The following AGMO variants were observed in gnomAD, a reference collection of about 807,000 sequenced individuals.
AGMO encodes the protein alkylglycerol monooxygenase.
A neutral mutation model predicts 60.2 loss-of-function variants in AGMO; 75 were observed. The observed-to-expected ratio is 1.25, with a 90% CI of 1.03 to 1.51. The LOEUF (loss-of-function observed/expected upper bound fraction) is 1.51. Ranked by LOEUF, AGMO falls within the 40% of genes most tolerant of loss-of-function variation. The pLI is 0.00. For missense variants in AGMO, 763 were observed against 525.5 expected (o/e 1.45, Z -4.42); for synonymous variants, 261 against 177.1 (o/e 1.47, Z -3.76).
intron 3 of AGMO, among the ~76,000 whole-genome samples, chr7:15,439,071 C>T (rs1781478350): frequency 6.6e-6 from 1 of 152,114 alleles, no homozygotes; most frequent in Non-Finnish European, 1.5e-5. Flanking sequence ...CATCAACCTT[C>T]CAAAATTACT....
At chr7:15,497,967 G>A (rs757185975) in intron 3 of AGMO, among the ~76,000 whole-genome samples, 6 of 151,948 alleles carry the variant, frequency 3.9e-5, no homozygotes, top group Admixed American at 6.6e-5. Flanking sequence ...CATGCTTGAT[G>A]GGAGAAGTAT....
At chr7:15,437,189 A>G (rs1386979075) in intron 3 of AGMO, among the ~76,000 whole-genome samples, 2 of 152,186 alleles carry the variant, frequency 1.3e-5, no homozygotes, top group African/African-American at 4.8e-5. Flanking sequence ...TTCTTTCACT[A>G]TTCTTTATTC....
At chr7:15,367,824 T>C (rs1783045487) in intron 10 of AGMO, among the ~76,000 whole-genome samples, 1 of 152,010 alleles carries the variant, frequency 6.6e-6, no homozygotes, top group African/African-American at 2.4e-5. Flanking sequence ...CAAAACATTA[T>C]GCAAGCACTC....
chr7:15,340,457 T>C (rs906392267), intron 12 of AGMO, among the ~76,000 whole-genome samples: 2 of 152,140 alleles, frequency 1.3e-5, no homozygotes, highest in African/African-American at 4.8e-5. Context: ...CTTCATAAAC[T>C]CCTGTCACAG....
intron 12 of AGMO, among the ~76,000 whole-genome samples, chr7:15,334,882 C>A (rs1033478051): frequency 6.6e-6 from 1 of 152,116 alleles, no homozygotes; most frequent in African/African-American, 2.4e-5. Flanking sequence ...ATTCACAGAT[C>A]CCCCATTTGT....
At chr7:15,417,623 A>G (rs1008923206) in intron 5 of AGMO, among the ~76,000 whole-genome samples, 1 of 152,212 alleles carries the variant, frequency 6.6e-6, no homozygotes, top group Non-Finnish European at 1.5e-5. Context: ...ATCATAAAAC[A>G]CAATACTATT....
intron 3 of AGMO, among the ~76,000 whole-genome samples, chr7:15,522,884 G>T (rs1260861953): frequency 6.6e-6 from 1 of 152,144 alleles, no homozygotes; most frequent in East Asian, 1.9e-4. Context: ...CACAGCAAAA[G>T]AAACTATCAT....
intron 10 of AGMO, among the ~76,000 whole-genome samples, chr7:15,382,500 G>C (rs1783733163): frequency 6.6e-6 from 1 of 152,134 alleles, no homozygotes; most frequent in South Asian, 2.1e-4. Context: ...AGTTCGCTCA[G>C]AAGAAATGTG....
In AGMO at chr7:15,367,641, T is replaced by C. The variant is rs115056442; in HGVS notation, c.1075-1419A>G. Among the ~76,000 whole-genome samples the C allele has an allele frequency of 9.5e-3, 1,445 of 152,188 alleles. 28 individuals carry two copies. The highest frequency in any genetic ancestry group is 0.034 in the African/African-American group (1,411 of 41,552). The stretch of plus-strand genomic sequence containing the variant: ...TAATGGCAGAAGTCTAAATTGAGAT[T>C]ACATAGCCAAAGTTTAGAGCCAGGT... On this transcript the variant is annotated intron_variant, in intron 10 of 12. Transcript: ENST00000342526.
rs183793353 is a variant in AGMO at position 15,393,072 on chromosome 7, A to G, written c.676+1041T>C. Among the ~76,000 whole-genome samples the G allele has an allele frequency of 2.6e-5, 4 of 152,352 alleles. No individual in the cohort carries two copies. In the East Asian group the frequency reaches 7.7e-4, roughly 29 times the overall value. On this transcript the variant is annotated intron_variant, in intron 6 of 12. Transcript: ENST00000342526. ...CATGGATCACATTTGCATCACTGTG[A>G]AAGTCGAAGAATTAAAAGTCGAACC...
rs563030373 is a variant in AGMO, at chr7:15,287,240, T to A, written c.1263+78274A>T. 7.2e-5 allele frequency among the ~76,000 whole-genome samples: 11 copies of A among 152,232 alleles called. No homozygotes were observed. In the East Asian group the frequency reaches 1.7e-3, roughly 24 times the overall value. On this transcript the variant is annotated intron_variant, in intron 12 of 12. Transcript: ENST00000342526. ...AGCTATTGAAATAAAATATATTTTT[T>A]AAAAAACATGAAACCATGGGCAAAA...
chr7:15,170,317 T>G, the AGMO span, among the ~76,000 whole-genome samples: 35 of 152,210 alleles, frequency 2.3e-4, no homozygotes, highest in Non-Finnish European at 1.0e-4. Flanking sequence ...GTAGCTTGTA[T>G]TTAATAGTTG....
intron 3 of AGMO, among the ~76,000 whole-genome samples, chr7:15,528,544 G>C (rs1784185792): frequency 6.6e-6 from 1 of 152,094 alleles, no homozygotes; most frequent in African/African-American, 2.4e-5. Flanking sequence ...AATCAATCCA[G>C]AGTCTGAAAC....
chr7:15,325,992 C>T (rs896195227), intron 12 of AGMO, among the ~76,000 whole-genome samples: 3 of 152,000 alleles, frequency 2.0e-5, no homozygotes, highest in African/African-American at 7.2e-5. Context: ...TATAAATGAG[C>T]AGTCACTGCA....
intron 12 of AGMO, among the ~76,000 whole-genome samples, chr7:15,305,204 G>T (rs1283696149): frequency 6.7e-6 from 1 of 150,328 alleles, no homozygotes; most frequent in Non-Finnish European, 1.5e-5. Flanking sequence ...GGGCAGGCAG[G>T]GGCAAGGACA....
At chr7:15,136,504 T>A in the AGMO span, among the ~76,000 whole-genome samples, 6 of 146,234 alleles carry the variant, frequency 4.1e-5, no homozygotes, top group Non-Finnish European at 7.6e-5. Flanking sequence ...ATTTTTTTTT[T>A]AAAAGGAGCA....
At chr7:15,323,224 A>G (rs1015936846) in intron 12 of AGMO, among the ~76,000 whole-genome samples, 4 of 152,142 alleles carry the variant, frequency 2.6e-5, no homozygotes, top group Non-Finnish European at 5.9e-5. Context: ...AATTTTGCTT[A>G]TTGAATAATC....
chr7:15,381,824 T>C (rs1015691252), intron 10 of AGMO, among the ~76,000 whole-genome samples: 1 of 152,194 alleles, frequency 6.6e-6, no homozygotes, highest in Non-Finnish European at 1.5e-5. Context: ...GTATACACCA[T>C]GGAATACTAT....
intron 2 of AGMO, among the ~76,000 whole-genome samples, chr7:15,558,366 G>A (rs575710545): frequency 6.6e-6 from 1 of 151,926 alleles, no homozygotes; most frequent in Admixed American, 6.6e-5. Flanking sequence ...CAGTTATTGG[G>A]TGACGTTTAT....
Sources: gnomAD v4.1 joint callset for allele counts (sites outside exome capture counted in the v4.1 genomes callset) on GRCh38, gnomAD v4.1.1 for gene constraint, MANE v1.5 for transcripts, NCBI Gene and HGNC (gene_info 2026-07-23, HGNC 2026-07-21) for gene names.